The following PDE4D variants were observed in gnomAD, a reference collection of about 807,000 sequenced individuals.
The protein encoded by PDE4D is phosphodiesterase 4D.
PDE4D carries 24 observed loss-of-function variants against 87.4 expected under a neutral mutation model. That is an observed-to-expected ratio of 0.27 (90% CI 0.20 to 0.39). The LOEUF is 0.39. PDE4D is among the 10% of genes least tolerant of loss of function. PDE4D has a pLI of 1.00. For missense variants in PDE4D, 714 were observed against 1,041.0 expected (o/e 0.69, Z 4.32); for synonymous variants, 384 against 383.2 (o/e 1.00, Z -0.02).
intron 5 of PDE4D, among the ~76,000 whole-genome samples, chr5:59,072,601 C>T (rs1455451014): frequency 1.3e-5 from 2 of 152,134 alleles, no homozygotes; most frequent in Non-Finnish European, 2.9e-5. Context: ...ATCTCCCTTC[C>T]CACTTTCTTT....
chr5:59,062,546 C>T (rs546395779), intron 5 of PDE4D, among the ~76,000 whole-genome samples: 11 of 151,952 alleles, frequency 7.2e-5, no homozygotes, highest in East Asian at 3.9e-4. Context: ...AGGAATACAT[C>T]GAGGAGTTTA....
chr5:59,634,980 C>A (rs995589481), intron 1 of PDE4D, among the ~76,000 whole-genome samples: 7 of 151,766 alleles, frequency 4.6e-5, no homozygotes, highest in Non-Finnish European at 7.4e-5. Context: ...ACAAAACAGA[C>A]CACTAGCCAG....
intron 2 of PDE4D, among the ~76,000 whole-genome samples, chr5:60,036,483 G>A (rs1212069735): frequency 6.6e-6 from 1 of 152,194 alleles, no homozygotes; most frequent in East Asian, 1.9e-4. Context: ...AGGTGTTGGT[G>A]AATTTACACA....
intron 1 of PDE4D, among the ~76,000 whole-genome samples, chr5:59,685,357 A>G (rs1020387753): frequency 6.6e-6 from 1 of 152,218 alleles, no homozygotes. Flanking sequence ...ATTACAGCCA[A>G]CTTTAGACAT....
intron 3 of PDE4D, among the ~76,000 whole-genome samples, chr5:59,919,886 G>C (rs1272936879): frequency 6.6e-6 from 1 of 152,160 alleles, no homozygotes; most frequent in Non-Finnish European, 1.5e-5. Flanking sequence ...CAGAGCAGAT[G>C]CTTTGTTATA....
At chr5:59,236,033 T>G (rs543223438) in intron 1 of PDE4D, among the ~76,000 whole-genome samples, 1 of 152,160 alleles carries the variant, frequency 6.6e-6, no homozygotes, top group South Asian at 2.1e-4. Context: ...AAATTTTAGA[T>G]CCAGGGGTCC....
intron 1 of PDE4D, among the ~76,000 whole-genome samples, chr5:59,781,240 A>C (rs562854814): frequency 1.3e-5 from 2 of 151,976 alleles, no homozygotes; most frequent in Admixed American, 1.3e-4. Flanking sequence ...GTTGTAATTG[A>C]AAAAGGAGTG....
At chr5:60,366,077 G>A (rs1478565926) in intron 1 of PDE4D, among the ~76,000 whole-genome samples, 1 of 149,496 alleles carries the variant, frequency 6.7e-6, no homozygotes, top group Non-Finnish European at 1.5e-5. Context: ...GCCATTTCCA[G>A]AACTCTAAAT....
At chr5:59,518,192 TTTG>T (rs1811511169) in intron 1 of PDE4D, among the ~76,000 whole-genome samples, 1 of 108,624 alleles carries the variant, frequency 9.2e-6, no homozygotes, top group South Asian at 2.5e-4. Flanking sequence ...TACTTGTGTG[TTTG>T]TGTGTGTGTG....
At chr5:59,232,825 TATAC>T (rs113987294) in intron 1 of PDE4D, among the ~76,000 whole-genome samples, 20,395 of 150,746 alleles carry the variant, frequency 0.14, 1,431 homozygotes, top group African/African-American at 0.17. Flanking sequence ...TATATATATA[TATAC>T]ACACACACAT....
intron 1 of PDE4D, among the ~76,000 whole-genome samples, chr5:60,374,888 C>T (rs999000961): frequency 3.9e-5 from 6 of 151,934 alleles, no homozygotes; most frequent in Admixed American, 6.6e-5. Context: ...TATATGTATA[C>T]GTATATTTTT....
intron 1 of PDE4D, among the ~76,000 whole-genome samples, chr5:59,344,566 T>G (rs1467856918): frequency 6.6e-6 from 1 of 152,006 alleles, no homozygotes; most frequent in East Asian, 1.9e-4. Context: ...ACCCTACTAA[T>G]TTTTAAATTT....
At chr5:60,455,736 G>A (rs1406573754) in intron 1 of PDE4D, among the ~76,000 whole-genome samples, 1 of 152,124 alleles carries the variant, frequency 6.6e-6, no homozygotes, top group Non-Finnish European at 1.5e-5. Flanking sequence ...CTGGAGAACA[G>A]TCACATCTAG....
rs60858267 is a variant in PDE4D at position 59,752,515 on chromosome 5, C to G, written c.455+140653G>C. 7.8e-3 allele frequency among the ~76,000 whole-genome samples: 1,182 copies of G among 152,238 alleles called. 8 individuals carry two copies. Among genetic ancestry groups the G allele is most frequent in the African/African-American group, 0.027 (1,140 of 41,542 alleles). ...GACTGTGCTAGGTGCTAGGGATACA[C>G]CTGTGAATGAGGTAGAACTGGTTCT... On this transcript the variant is annotated intron_variant, in intron 1 of 14. Transcript: ENST00000340635.
At chr5:60,445,849 T>G (rs1745600228) in intron 1 of PDE4D, among the ~76,000 whole-genome samples, 1 of 152,110 alleles carries the variant, frequency 6.6e-6, no homozygotes, top group Non-Finnish European at 1.5e-5. Flanking sequence ...AAACTTCTCA[T>G]GTAAAAATAT....
At chr5:59,613,222 G>T (rs1829223669) in intron 1 of PDE4D, among the ~76,000 whole-genome samples, 1 of 152,168 alleles carries the variant, frequency 6.6e-6, no homozygotes, top group Non-Finnish European at 1.5e-5. Flanking sequence ...GATTGGAATT[G>T]GGAGTGTGAG....
At chr5:60,359,457 C>T (rs561110104) in intron 1 of PDE4D, among the ~76,000 whole-genome samples, 1 of 151,996 alleles carries the variant, frequency 6.6e-6, no homozygotes, top group Non-Finnish European at 1.5e-5. Flanking sequence ...GTTATAAGAA[C>T]AAGGCACCTT....
At chr5:59,620,325 T>C (rs978331881) in intron 1 of PDE4D, among the ~76,000 whole-genome samples, 1 of 152,168 alleles carries the variant, frequency 6.6e-6, no homozygotes, top group East Asian at 1.9e-4. Flanking sequence ...GGATTAATCC[T>C]GGCTTGTTAT....
chr5:59,613,563 GAGGAGGATGCAGCAA>G (rs144347875), intron 1 of PDE4D, among the ~76,000 whole-genome samples: 343 of 152,280 alleles, frequency 2.3e-3, no homozygotes, highest in African/African-American at 7.6e-3. Context: ...TTGGAAAGCT[GAGGAGGATGCAGCAA>G]AGGAGGATGC....
Sources: gnomAD v4.1 joint callset for allele counts (sites outside exome capture counted in the v4.1 genomes callset) on GRCh38, gnomAD v4.1.1 for gene constraint, MANE v1.5 for transcripts, NCBI Gene and HGNC (gene_info 2026-07-23, HGNC 2026-07-21) for gene names.